CDH10: variants seen among roughly 807,000 people sequenced by gnomAD.
The protein encoded by CDH10 is cadherin 10.
In CDH10, 30 loss-of-function variants were observed where a neutral mutation model predicts 73.1. The ratio of observed to expected loss-of-function variants is 0.41; its 90% CI spans 0.31 to 0.56. CDH10 has a LOEUF of 0.56. Ranked by LOEUF, CDH10 falls within the 20% of genes least tolerant of loss-of-function variation. The probability of loss-of-function intolerance (pLI) is 0.27; values close to 1 mark genes in which losing one functional copy is unlikely to be tolerated. For synonymous variants in CDH10, 345 were observed against 348.2 expected, an observed-to-expected ratio of 0.99 and a Z score of 0.10; for missense variants, 815 against 973.7, an observed-to-expected ratio of 0.84 and a Z score of 2.17.
chr5:24,564,658 T>C (rs1431676810), intron 2 of CDH10, among the ~76,000 whole-genome samples: 1 of 152,220 alleles, frequency 6.6e-6, no homozygotes, highest in Non-Finnish European at 1.5e-5. Flanking sequence ...TCAGTATTTC[T>C]AATTGCTACC....
At chr5:24,544,438 C>A (rs1007632220) in intron 2 of CDH10, among the ~76,000 whole-genome samples, 13 of 152,216 alleles carry the variant, frequency 8.5e-5, no homozygotes, top group Admixed American at 6.5e-4. Flanking sequence ...GGACCAGAGG[C>A]AAGTTTTGAA....
At chr5:24,615,567 G>T (rs952366093) in intron 1 of CDH10, among the ~76,000 whole-genome samples, 6 of 152,190 alleles carry the variant, frequency 3.9e-5, no homozygotes, top group African/African-American at 7.2e-5. Flanking sequence ...ATATGTGAAT[G>T]ACTTCAATTC....
intron 5 of CDH10, among the ~76,000 whole-genome samples, chr5:24,528,795 A>C (rs905299853): frequency 6.6e-6 from 1 of 151,952 alleles, no homozygotes; most frequent in Non-Finnish European, 1.5e-5. Flanking sequence ...AGGAAGATTA[A>C]ATTTTTGATG....
At chr5:24,638,242 T>C (rs1747931083) in intron 1 of CDH10, among the ~76,000 whole-genome samples, 1 of 151,762 alleles carries the variant, frequency 6.6e-6, no homozygotes, top group African/African-American at 2.4e-5. Flanking sequence ...AAATATTATG[T>C]AGAACTATCT....
chr5:24,514,960 C>A (rs1037279193), intron 5 of CDH10, among the ~76,000 whole-genome samples: 1 of 151,952 alleles, frequency 6.6e-6, no homozygotes, highest in African/African-American at 2.4e-5. Flanking sequence ...TCCAATCTAA[C>A]CAAATACTAA....
rs1026732966 is a variant in CDH10 at position 24,517,292 on chromosome 5, G to A, written c.815-5778C>T. Among the ~76,000 whole-genome samples the A allele has an allele frequency of 7.2e-5, 11 of 152,054 alleles. No homozygotes were observed. In the South Asian group the frequency reaches 1.2e-3, roughly 17 times the overall value. On this transcript the variant is annotated intron_variant, in intron 5 of 11. Transcript: ENST00000264463. ...AAGGTCTACAATTTCATTTCTTGGC[G>A]TGAAACACAATTCTAACGCCCAAAC...
chr5:24,522,350 A>G (rs2111820569), intron 5 of CDH10, among the ~76,000 whole-genome samples: 1 of 152,262 alleles, frequency 6.6e-6, no homozygotes, highest in Admixed American at 6.5e-5. Flanking sequence ...AACTCAATGA[A>G]GATGGTTTTA....
chr5:24,591,148 ATGTT>A (rs746413691), intron 2 of CDH10, among the ~76,000 whole-genome samples: 4 of 152,080 alleles, frequency 2.6e-5, no homozygotes, highest in Non-Finnish European at 5.9e-5. Context: ...TATCATGTGT[ATGTT>A]TATCTCTTAA....
At chr5:24,572,268 C>T (rs779052460) in intron 2 of CDH10, among the ~76,000 whole-genome samples, 6 of 152,110 alleles carry the variant, frequency 3.9e-5, no homozygotes, top group Non-Finnish European at 7.3e-5. Context: ...CCATGCCTTT[C>T]AACTTCCAGG....
intron 1 of CDH10, among the ~76,000 whole-genome samples, chr5:24,594,545 T>A (rs1033782288): frequency 6.6e-6 from 1 of 151,908 alleles, no homozygotes; most frequent in African/African-American, 2.4e-5. Flanking sequence ...TCTCTGACCA[T>A]GTTTCACTTT....
At chr5:24,594,347 C>T (rs949224149) in intron 1 of CDH10, among the ~76,000 whole-genome samples, 4 of 151,928 alleles carry the variant, frequency 2.6e-5, no homozygotes, top group African/African-American at 9.7e-5. Context: ...TAACAGCCTA[C>T]TGACTGTTCT....
At chr5:24,517,760 C>T (rs1217824629) in intron 5 of CDH10, among the ~76,000 whole-genome samples, 1 of 151,884 alleles carries the variant, frequency 6.6e-6, no homozygotes, top group Non-Finnish European at 1.5e-5. Context: ...TTTTTTTGGC[C>T]TGGGGATATT....
intron 5 of CDH10, among the ~76,000 whole-genome samples, chr5:24,522,731 A>G (rs531742442): frequency 1.3e-5 from 2 of 152,308 alleles, no homozygotes; most frequent in East Asian, 3.9e-4. Flanking sequence ...CCTGCTAAAA[A>G]AGATCTAAAA....
chr5:24,496,318 T>C (rs1742286664), intron 9 of CDH10, among the ~76,000 whole-genome samples: 1 of 152,114 alleles, frequency 6.6e-6, no homozygotes. Context: ...TTTTATTGAC[T>C]CCAGGAGTAG....
At chr5:24,615,661 A>T (rs1747102352) in intron 1 of CDH10, among the ~76,000 whole-genome samples, 1 of 152,232 alleles carries the variant, frequency 6.6e-6, no homozygotes, top group Non-Finnish European at 1.5e-5. Context: ...GTGTTGGTGA[A>T]TATAATTCCC....
intron 8 of CDH10, among the ~76,000 whole-genome samples, chr5:24,504,508 T>TTTTTTTTTTTTTG (rs1742615385): frequency 1.3e-4 from 1 of 7,714 alleles, no homozygotes; most frequent in Non-Finnish European, 4.8e-4. Context: ...CTATTAATCT[T>TTTTTTTTTTTTTG]TTTTTTTTTT....
chr5:24,531,007 C>T (rs1743722058), intron 5 of CDH10, among the ~76,000 whole-genome samples: 1 of 152,092 alleles, frequency 6.6e-6, no homozygotes, highest in African/African-American at 2.4e-5. Flanking sequence ...CCATCAACCT[C>T]CTCATTCTTT....
intron 1 of CDH10, among the ~76,000 whole-genome samples, chr5:24,630,726 G>A (rs1189578380): frequency 6.6e-6 from 1 of 151,626 alleles, no homozygotes; most frequent in Non-Finnish European, 1.5e-5. Flanking sequence ...AATAAAAACT[G>A]GTCTATTTGT....
chr5:24,494,525 A>G (rs1468135554), intron 9 of CDH10, among the ~76,000 whole-genome samples: 1 of 152,000 alleles, frequency 6.6e-6, no homozygotes, highest in East Asian at 1.9e-4. Flanking sequence ...AAATGTAAAA[A>G]TAGGGCTAAT....
Sources: allele counts gnomAD v4.1 joint callset (sites outside exome capture counted in the v4.1 genomes callset), GRCh38; gene constraint gnomAD v4.1.1; transcripts MANE v1.5; gene names NCBI Gene and HGNC (gene_info 2026-07-23, HGNC 2026-07-21).